NCAM2: variants seen among roughly 807,000 people sequenced by gnomAD.
NCAM2 encodes the protein neural cell adhesion molecule 2.
NCAM2 carries 30 observed loss-of-function variants against 98.1 expected under a neutral mutation model. The ratio of observed to expected loss-of-function variants is 0.31; its 90% CI spans 0.23 to 0.41. The LOEUF (loss-of-function observed/expected upper bound fraction) is 0.41, where lower values mean the gene tolerates loss of function less well. NCAM2 is among the 10% of genes least tolerant of loss of function. The pLI is 1.00. For synonymous variants in NCAM2, 368 were observed against 342.4 expected, an observed-to-expected ratio of 1.07 and a Z score of -0.83; for missense variants, 867 against 1,005.8, an observed-to-expected ratio of 0.86 and a Z score of 1.87.
intron 16 of NCAM2, among the ~76,000 whole-genome samples, chr21:21,530,964 A>ACC (rs1285959174): frequency 1.0e-3 from 156 of 152,222 alleles, no homozygotes; most frequent in Middle Eastern, 3.4e-3. Context: ...CTGACATATT[A>ACC]AATATCACCA....
chr21:21,066,071 A>T (rs76141410), intron 1 of NCAM2, among the ~76,000 whole-genome samples: 5,638 of 152,210 alleles, frequency 0.037, 324 homozygotes, highest in African/African-American at 0.13. Flanking sequence ...TGAATTTCAA[A>T]TTGGAGACAC....
At chr21:21,303,300 G>A (rs2073780773) in intron 5 of NCAM2, among the ~76,000 whole-genome samples, 1 of 151,712 alleles carries the variant, frequency 6.6e-6, no homozygotes, top group African/African-American at 2.4e-5. Flanking sequence ...TGCTAAAAAA[G>A]ATAGTGACTA....
intron 8 of NCAM2, among the ~76,000 whole-genome samples, chr21:21,341,067 A>G (rs951397700): frequency 6.6e-6 from 1 of 152,130 alleles, no homozygotes; most frequent in Non-Finnish European, 1.5e-5. Context: ...ACTTTGTCAT[A>G]TTACAAATTT....
intron 1 of NCAM2, among the ~76,000 whole-genome samples, chr21:21,112,087 T>C (rs1327311585): frequency 6.6e-6 from 1 of 152,180 alleles, no homozygotes; most frequent in East Asian, 1.9e-4. Context: ...GATAATTCTT[T>C]CATACAACAT....
intron 5 of NCAM2, among the ~76,000 whole-genome samples, chr21:21,302,762 A>C (rs573348712): frequency 6.6e-6 from 1 of 152,290 alleles, no homozygotes; most frequent in South Asian, 2.1e-4. Flanking sequence ...ATATACCCAA[A>C]GGAATATAGA....
intron 16 of NCAM2, among the ~76,000 whole-genome samples, chr21:21,531,612 G>C (rs1038599849): frequency 1.3e-5 from 2 of 151,958 alleles, no homozygotes; most frequent in African/African-American, 4.8e-5. Context: ...AATATGGCAG[G>C]AATTTATATA....
At chr21:21,003,387 AG>A (rs746446769) in intron 1 of NCAM2, among the ~76,000 whole-genome samples, 5 of 152,194 alleles carry the variant, frequency 3.3e-5, no homozygotes, top group Non-Finnish European at 5.9e-5. Context: ...ACAGGGATGA[AG>A]AAAATTCATT....
chr21:21,251,696 C>T (rs1477443263), intron 1 of NCAM2, among the ~76,000 whole-genome samples: 1 of 151,474 alleles, frequency 6.6e-6, no homozygotes, highest in South Asian at 2.1e-4. Context: ...TGAGGAATCA[C>T]CACGCTGTCT....
At chr21:21,314,020 A>G (rs889045849) in intron 5 of NCAM2, among the ~76,000 whole-genome samples, 1 of 152,120 alleles carries the variant, frequency 6.6e-6, no homozygotes, top group African/African-American at 2.4e-5. Context: ...TGAAAATTCC[A>G]TCAGAGAATT....
intron 15 of NCAM2, among the ~76,000 whole-genome samples, chr21:21,501,485 G>C (rs532153770): frequency 1.3e-5 from 2 of 152,004 alleles, no homozygotes; most frequent in South Asian, 4.1e-4. Context: ...TGGACTTGAA[G>C]TATAATATTT....
At chr21:21,445,219 AT>A (rs1304235213) in intron 12 of NCAM2, among the ~76,000 whole-genome samples, 7 of 151,998 alleles carry the variant, frequency 4.6e-5, no homozygotes, top group African/African-American at 1.7e-4. Flanking sequence ...GATTTCAGTT[AT>A]TTTGCATTTG....
Position 21,524,129 on chromosome 21 carries a change from A to G in NCAM2, c.2283-10408A>G, listed in dbSNP as rs75164216. ...AGACATACTATGCTAACATGAATCA[A>G]ATGAAAGCAGGAATGGAAATATTGA... On this transcript the variant is annotated intron_variant, in intron 16 of 17. Transcript: ENST00000400546. Among the ~76,000 whole-genome samples, 627 of 152,214 alleles carry G rather than the reference A, an allele frequency of 4.1e-3. 5 individuals carry two copies. The highest frequency in any genetic ancestry group is 0.014 in the African/African-American group (585 of 41,538).
chr21:21,287,711 T>C (rs777182482), intron 4 of NCAM2, among the ~76,000 whole-genome samples: 57 of 151,948 alleles, frequency 3.8e-4, no homozygotes, highest in Admixed American at 2.0e-4. Flanking sequence ...CAAAGACTGA[T>C]GACAACGGGT....
intron 11 of NCAM2, among the ~76,000 whole-genome samples, chr21:21,427,501 C>G (rs141818433): frequency 1.3e-5 from 2 of 152,138 alleles, no homozygotes; most frequent in African/African-American, 2.4e-5. Flanking sequence ...TAAAGATGTA[C>G]AGCATGATCT....
intron 15 of NCAM2, among the ~76,000 whole-genome samples, chr21:21,485,404 T>C (rs114309): frequency 0.77 from 117,197 of 152,014 alleles, 45,967 homozygotes; most frequent in African/African-American, 0.87. Context: ...TAGTCAGAAT[T>C]CTTGCAAGCA....
intron 1 of NCAM2, among the ~76,000 whole-genome samples, chr21:21,160,026 G>A (rs760751237): frequency 2.0e-5 from 3 of 151,990 alleles, no homozygotes; most frequent in Non-Finnish European, 2.9e-5. Flanking sequence ...TGCTCATCGC[G>A]TATTCAAATA....
intron 1 of NCAM2, among the ~76,000 whole-genome samples, chr21:21,215,156 A>G (rs2069840494): frequency 6.6e-6 from 1 of 152,092 alleles, no homozygotes; most frequent in Non-Finnish European, 1.5e-5. Context: ...TTGGGAGCCA[A>G]CCCAGATGCC....
chr21:21,095,574 G>A (rs572270298), intron 1 of NCAM2, among the ~76,000 whole-genome samples: 1 of 151,556 alleles, frequency 6.6e-6, no homozygotes, highest in Admixed American at 6.6e-5. Context: ...AAATAAGTAA[G>A]TGAGGCTAAA....
intron 8 of NCAM2, among the ~76,000 whole-genome samples, chr21:21,363,247 T>A (rs2075693852): frequency 1.3e-5 from 2 of 152,248 alleles, no homozygotes; most frequent in Non-Finnish European, 2.9e-5. Flanking sequence ...TTGTGTGTAT[T>A]ATAGAGAACA....
Sources: gnomAD v4.1 joint callset for allele counts (sites outside exome capture counted in the v4.1 genomes callset) on GRCh38, gnomAD v4.1.1 for gene constraint, MANE v1.5 for transcripts, NCBI Gene and HGNC (gene_info 2026-07-23, HGNC 2026-07-21) for gene names.